TP63: variants seen among roughly 807,000 people sequenced by gnomAD.
The protein encoded by TP63 is tumor protein 63.
A neutral mutation model predicts 82.8 loss-of-function variants in TP63; 17 were observed. That is an observed-to-expected ratio of 0.21 (90% CI 0.14 to 0.31). The LOEUF (loss-of-function observed/expected upper bound fraction) is 0.31, where lower values mean the gene tolerates loss of function less well. TP63 is among the 10% of genes least tolerant of loss of function. TP63 has a pLI of 1.00. For synonymous variants in TP63, 330 were observed against 321.7 expected (o/e 1.03, Z -0.28); for missense variants, 648 against 895.3 (o/e 0.72, Z 3.52).
In TP63 at chr3:189,840,359, C is replaced by CTTTTTTTTTTTTTTTTTTTTTTTTTTT; in HGVS notation, c.580-23871_580-23845dup. Among the ~76,000 whole-genome samples the CTTTTTTTTTTTTTTTTTTTTTTTTTTT allele has an allele frequency of 4.3e-4, 19 of 44,444 alleles. 1 individual carries two copies. The highest frequency in any genetic ancestry group is 1.0e-3 in the Admixed American group (4 of 3,894). 29.2% of individuals were successfully genotyped at this position (44,444 alleles called of 152,430 possible). ...GAGTTTTTTCTTTTTTGCTTTTCGT[C>CTTTTTTTTTTTTTTTTTTTTTTTTTTT]TTTTTTTTTTTTTTTTTTTTTTTTT... is the stretch of plus-strand genomic sequence containing the variant. On this transcript the variant is annotated intron_variant, in intron 4 of 13. Transcript: ENST00000264731.
chr3:189,806,812 C>T (rs1726966017), intron 3 of TP63, among the ~76,000 whole-genome samples: 1 of 151,980 alleles, frequency 6.6e-6, no homozygotes, highest in African/African-American at 2.4e-5. Flanking sequence ...GAGCATGTGA[C>T]TATTAACATT....
chr3:189,894,653 T>C lies in TP63; in HGVS notation c.*151T>C. On this transcript the variant is annotated 3_prime_UTR_variant, in exon 14 of 14. Transcript: ENST00000264731. ...GAGAAGTAAGAGGCTACCTCTTACC[T>C]AACATCTGACCTGGCATCTAATTCT... 1 of 909,834 alleles carries C rather than the reference T, an allele frequency of 1.1e-6. No homozygotes were observed. Among genetic ancestry groups the C allele is most frequent in the Non-Finnish European group, 1.7e-6 (1 of 601,868 alleles). The allele number at this position is 909,834 out of a possible 1,614,324, so 56.4% of individuals were successfully genotyped here.
At chr3:189,610,464 A>G in the TP63 span, among the ~76,000 whole-genome samples, 1 of 152,220 alleles carries the variant, frequency 6.6e-6, no homozygotes, top group Non-Finnish European at 1.5e-5. Context: ...AAATTCTGCC[A>G]GTCTCCTTAC....
intron 4 of TP63, chr3:189,830,005 G>T: frequency 4.0e-6 from 1 of 252,180 alleles, no homozygotes; most frequent in Non-Finnish European, 8.8e-6. Flanking sequence ...AGCTGTGTCT[G>T]GGATTAAGTA....
chr3:189,655,518 A>G (rs1713268511), intron 1 of TP63, among the ~76,000 whole-genome samples: 1 of 152,148 alleles, frequency 6.6e-6, no homozygotes, highest in Admixed American at 6.5e-5. Context: ...GCTACTTGGG[A>G]GGCTGAGGAA....
the TP63 span, among the ~76,000 whole-genome samples, chr3:189,602,448 T>C: frequency 6.6e-6 from 1 of 152,094 alleles, no homozygotes; most frequent in Non-Finnish European, 1.5e-5. Context: ...GTGCAGAGGC[T>C]AAGAAAGGAG....
intron 11 of TP63, 94 bp from the exon 12 acceptor site, chr3:189,889,246 C>A (rs557940782): frequency 4.5e-6 from 7 of 1,569,724 alleles, no homozygotes; most frequent in Middle Eastern, 1.7e-4. Context: ...GTAGTTTAGG[C>A]CCTTGATAAA....
At chr3:189,828,276 C>T (rs933886841) in intron 4 of TP63, among the ~76,000 whole-genome samples, 6 of 149,732 alleles carry the variant, frequency 4.0e-5, no homozygotes, top group African/African-American at 4.9e-5. Context: ...GAGAGAGATA[C>T]GGAGATATGG....
intron 4 of TP63, among the ~76,000 whole-genome samples, chr3:189,831,560 C>T (rs73057241): frequency 0.012 from 1,798 of 151,390 alleles, 35 homozygotes; most frequent in African/African-American, 0.041. Flanking sequence ...GTGACAAACC[C>T]CAGTCTTTAG....
intron 4 of TP63, among the ~76,000 whole-genome samples, chr3:189,855,716 A>G (rs200359048): frequency 0.015 from 2,230 of 151,456 alleles, 23 homozygotes; most frequent in South Asian, 0.029. Context: ...GTGTGTGTGT[A>G]TGTATGTATG....
At position 189,831,078 on chromosome 3, in the gene TP63, T is replaced by G. The variant is rs565286928; in HGVS notation, c.579+22552T>G. Among the ~76,000 whole-genome samples the G allele has an allele frequency of 7.0e-4, 106 of 152,314 alleles. No individual in the cohort carries two copies. The Middle Eastern group carries it at 0.024, about 34-fold the overall frequency. On this transcript the variant is annotated intron_variant, in intron 4 of 13. Transcript: ENST00000264731. ...CCTGTATTTCTGTTGTTGGTGTGGT[T>G]TATCTTCCCAGTGCCAATGCTGCCA...
intron 1 of TP63, among the ~76,000 whole-genome samples, chr3:189,639,182 G>C (rs531662833): frequency 6.6e-6 from 1 of 152,094 alleles, no homozygotes; most frequent in Non-Finnish European, 1.5e-5. Flanking sequence ...GTGATGGGTA[G>C]ATAAAATACT....
chr3:189,714,437 A>G (rs1718810718), intron 1 of TP63, among the ~76,000 whole-genome samples: 1 of 152,210 alleles, frequency 6.6e-6, no homozygotes, highest in Non-Finnish European at 1.5e-5. Flanking sequence ...ATCAATATCC[A>G]AGGACAAGTA....
intron 1 of TP63, among the ~76,000 whole-genome samples, chr3:189,673,816 A>G (rs1715147280): frequency 6.6e-6 from 1 of 152,164 alleles, no homozygotes; most frequent in Non-Finnish European, 1.5e-5. Flanking sequence ...GTCATCATTC[A>G]TAAAATTCAT....
In TP63 at chr3:189,813,047, G is replaced by A. The variant is rs377184688; in HGVS notation, c.579+4521G>A. On this transcript the variant is annotated intron_variant, in intron 4 of 13. Transcript: ENST00000264731. ...CTTTCCGAAGCCTGCCCAAGCAGAT[G>A]TAGGCTCTCCTTGCCAGTGCAAGGA... Among the ~76,000 whole-genome samples, 386 of 152,280 alleles carry A rather than the reference G, an allele frequency of 2.5e-3. 6 individuals carry two copies. The South Asian group carries it at 0.041, about 16-fold the overall frequency.
At chr3:189,613,614 C>A in the TP63 span, among the ~76,000 whole-genome samples, 2 of 152,120 alleles carry the variant, frequency 1.3e-5, no homozygotes, top group African/African-American at 4.8e-5. Context: ...CCTCCAGACC[C>A]CAGAATGGTA....
chr3:189,675,039 A>T (rs562870947), intron 1 of TP63, among the ~76,000 whole-genome samples: 1 of 152,140 alleles, frequency 6.6e-6, no homozygotes, highest in African/African-American at 2.4e-5. Context: ...TTTCTCTCTC[A>T]TAGTTCTGGA....
At chr3:189,778,443 C>G (rs1723986573) in intron 3 of TP63, among the ~76,000 whole-genome samples, 1 of 152,156 alleles carries the variant, frequency 6.6e-6, no homozygotes, top group Non-Finnish European at 1.5e-5. Context: ...ATGAAAAACT[C>G]AAATGTGACA....
intron 3 of TP63, among the ~76,000 whole-genome samples, chr3:189,777,928 T>C (rs1723943001): frequency 7.4e-6 from 1 of 135,666 alleles, no homozygotes; most frequent in Non-Finnish European, 1.5e-5. Flanking sequence ...GGATCTCAGC[T>C]CACTGCAACT....
Sources: allele counts gnomAD v4.1 joint callset (sites outside exome capture counted in the v4.1 genomes callset), GRCh38; gene constraint gnomAD v4.1.1; transcripts MANE v1.5; gene names NCBI Gene and HGNC (gene_info 2026-07-23, HGNC 2026-07-21).